LIN7A: variants seen among roughly 807,000 people sequenced by gnomAD.
The protein encoded by LIN7A is lin-7 cell polarity scaffold A, also known as protein lin-7 homolog A.
LIN7A carries 25 observed loss-of-function variants against 29.8 expected under a neutral mutation model. That is an observed-to-expected ratio of 0.84 (90% CI 0.61 to 1.17). LIN7A has a LOEUF of 1.17. Ranked by LOEUF, LIN7A falls within the 50% of genes most tolerant of loss-of-function variation. The pLI, the probability that LIN7A is intolerant of heterozygous loss-of-function variation, is 0.00. For missense variants in LIN7A, 239 were observed against 287.0 expected, an observed-to-expected ratio of 0.83 and a Z score of 1.21; for synonymous variants, 118 against 107.5, an observed-to-expected ratio of 1.10 and a Z score of -0.60.
chr12:80,892,598 G>T (rs1227804357), intron 1 of LIN7A, among the ~76,000 whole-genome samples: 2 of 152,172 alleles, frequency 1.3e-5, no homozygotes, highest in East Asian at 3.8e-4. Context: ...GCATTTAGAA[G>T]TTATTAATGC....
intron 1 of LIN7A, among the ~76,000 whole-genome samples, chr12:80,915,633 C>T (rs1565927742): frequency 6.6e-6 from 1 of 152,144 alleles, no homozygotes; most frequent in Admixed American, 6.5e-5. Flanking sequence ...AGTTGTCCAT[C>T]GATGGTGGAT....
At chr12:80,853,654 T>C (rs1283644526) in intron 2 of LIN7A, among the ~76,000 whole-genome samples, 1 of 151,334 alleles carries the variant, frequency 6.6e-6, no homozygotes, top group Non-Finnish European at 1.5e-5. Context: ...AAAAAAAACA[T>C]ACTGACGATA....
At chr12:80,803,673 T>G (rs575765476) in intron 5 of LIN7A, among the ~76,000 whole-genome samples, 1 of 152,194 alleles carries the variant, frequency 6.6e-6, no homozygotes, top group Non-Finnish European at 1.5e-5. Context: ...AAAATGACAT[T>G]GGAATTTTGA....
intron 1 of LIN7A, among the ~76,000 whole-genome samples, chr12:80,915,418 G>A (rs1332002289): frequency 6.6e-6 from 1 of 152,164 alleles, no homozygotes; most frequent in African/African-American, 2.4e-5. Flanking sequence ...TTTATACACT[G>A]TTGGTGGAAA....
At chr12:80,847,671 C>T (rs143079698) in intron 3 of LIN7A, among the ~76,000 whole-genome samples, 1 of 152,124 alleles carries the variant, frequency 6.6e-6, no homozygotes, top group African/African-American at 2.4e-5. Context: ...CTGATGTTAT[C>T]GGTATAACAT....
chr12:80,881,605 CAAAGA>C (rs1875039530), intron 2 of LIN7A, among the ~76,000 whole-genome samples: 2 of 147,336 alleles, frequency 1.4e-5, no homozygotes, highest in African/African-American at 5.0e-5. Context: ...GCACAAAAAG[CAAAGA>C]AAACAAAATA....
intron 2 of LIN7A, among the ~76,000 whole-genome samples, chr12:80,864,037 A>T (rs1874010629): frequency 6.6e-6 from 1 of 152,178 alleles, no homozygotes; most frequent in African/African-American, 2.4e-5. Flanking sequence ...TGTAATTTTT[A>T]AAATAAAAAG....
chr12:80,895,767 G>A (rs1172522298), intron 1 of LIN7A, among the ~76,000 whole-genome samples: 1 of 152,136 alleles, frequency 6.6e-6, no homozygotes, highest in African/African-American at 2.4e-5. Context: ...TCTTTTGACA[G>A]ATATAATGCC....
intron 2 of LIN7A, among the ~76,000 whole-genome samples, chr12:80,888,396 A>C (rs1388694638): frequency 6.6e-6 from 1 of 152,144 alleles, no homozygotes; most frequent in African/African-American, 2.4e-5. Context: ...AGAGTTGTAA[A>C]GAGAAAGGTG....
chr12:80,911,663 A>T (rs1259842418), intron 1 of LIN7A, among the ~76,000 whole-genome samples: 1 of 152,230 alleles, frequency 6.6e-6, no homozygotes, highest in Non-Finnish European at 1.5e-5. Flanking sequence ...TAAACAAGCA[A>T]ATGCAATAAA....
intron 1 of LIN7A, among the ~76,000 whole-genome samples, chr12:80,895,442 C>A (rs993534010): frequency 1.3e-5 from 2 of 152,166 alleles, no homozygotes; most frequent in Non-Finnish European, 2.9e-5. Context: ...GCATCCAAAG[C>A]TGGAACATGG....
chr12:80,867,132 T>G (rs1043559274), intron 2 of LIN7A, among the ~76,000 whole-genome samples: 1 of 152,098 alleles, frequency 6.6e-6, no homozygotes, highest in South Asian at 2.1e-4. Flanking sequence ...TCACATTTTT[T>G]GTAGAGACAG....
At chr12:80,887,650 C>G (rs1483476392) in intron 2 of LIN7A, among the ~76,000 whole-genome samples, 1 of 152,212 alleles carries the variant, frequency 6.6e-6, no homozygotes, top group South Asian at 2.1e-4. Context: ...TTCAACATGA[C>G]CCCTCTAATC....
chr12:80,863,787 A>T (rs1374967516), intron 2 of LIN7A, among the ~76,000 whole-genome samples: 3 of 152,112 alleles, frequency 2.0e-5, no homozygotes, highest in Non-Finnish European at 4.4e-5. Context: ...CCTATACCCC[A>T]TCTGGTGGTA....
chr12:80,906,093 T>C (rs1876463308), intron 1 of LIN7A, among the ~76,000 whole-genome samples: 1 of 152,178 alleles, frequency 6.6e-6, no homozygotes, highest in African/African-American at 2.4e-5. Flanking sequence ...ATAAAATTGG[T>C]ATTTTCATTC....
chr12:80,876,054 C>CACACACACACAT (rs1279380996), intron 2 of LIN7A, among the ~76,000 whole-genome samples: 102 of 105,060 alleles, frequency 9.7e-4, no homozygotes, highest in African/African-American at 3.7e-3. Flanking sequence ...TATTTTTATA[C>CACACACACACAT]ACACACACAC....
chr12:80,882,383 C>A (rs1331424740), intron 2 of LIN7A, among the ~76,000 whole-genome samples: 2 of 136,634 alleles, frequency 1.5e-5, no homozygotes, highest in African/African-American at 5.1e-5. Flanking sequence ...CTCCCGGGTT[C>A]ACGCCATTCT....
chr12:80,927,533 A>C (rs1486281183), intron 1 of LIN7A, among the ~76,000 whole-genome samples: 1 of 152,182 alleles, frequency 6.6e-6, no homozygotes, highest in African/African-American at 2.4e-5. Flanking sequence ...ACTGCCTTTA[A>C]AAAGGGAATG....
intron 2 of LIN7A, among the ~76,000 whole-genome samples, chr12:80,858,526 A>G (rs1342664947): frequency 7.0e-6 from 1 of 142,384 alleles, no homozygotes; most frequent in African/African-American, 2.6e-5. Context: ...TTTTTTTTTA[A>G]GTTGTTCAAA....
Sources: gnomAD v4.1 joint callset for allele counts (sites outside exome capture counted in the v4.1 genomes callset) on GRCh38, gnomAD v4.1.1 for gene constraint, MANE v1.5 for transcripts, NCBI Gene and HGNC (gene_info 2026-07-23, HGNC 2026-07-21) for gene names.